ZNF84: variants seen among roughly 807,000 people sequenced by gnomAD.
ZNF84 encodes zinc finger protein HPF2.
ZNF84 carries 12 observed loss-of-function variants against 14.8 expected under a neutral mutation model. The ratio of observed to expected loss-of-function variants is 0.81; its 90% CI spans 0.52 to 1.31. The LOEUF is 1.31. Among genes scored for constraint, ZNF84 ranks in the 50% most tolerant of loss-of-function variants. The pLI is 0.00. For synonymous variants in ZNF84, 347 were observed against 291.1 expected, an observed-to-expected ratio of 1.19 and a Z score of -1.96; for missense variants, 859 against 878.6, an observed-to-expected ratio of 0.98 and a Z score of 0.28.
At chr12:133,038,350 A>T (rs1953825418) in intron 1 of ZNF84, among the ~76,000 whole-genome samples, 1 of 152,090 alleles carries the variant, frequency 6.6e-6, no homozygotes, top group African/African-American at 2.4e-5. Context: ...TATAATGATT[A>T]TAATTTGTAT....
In ZNF84 at chr12:133,047,949, T is replaced by C. The variant is rs1220371195; in HGVS notation, c.16-6T>C. ...CTTCAGATTTACCAGGATTGTGCTC[T>C]TACAGGAGTCATTCTCATTTGACGA... On this transcript the variant is annotated splice_region_variant and splice_polypyrimidine_tract_variant and intron_variant, in intron 2 of 4. Transcript: ENST00000539354. The C allele has an allele frequency of 9.9e-6, 16 of 1,613,770 alleles. No homozygotes were observed. The highest frequency in any genetic ancestry group is 3.3e-5 in the Admixed American group (2 of 60,010).
intron 3 of ZNF84, 36 bp downstream of exon 3, chr12:133,048,117 C>T: frequency 6.3e-7 from 1 of 1,577,696 alleles, no homozygotes; most frequent in Non-Finnish European, 8.6e-7. Flanking sequence ...TGGACTATGC[C>T]CAATGCATTG....
chr12:133,059,284 G>A lies in ZNF84; in HGVS notation c.*352G>A, dbSNP rs201971004. 177 of 361,714 alleles carry A rather than the reference G, an allele frequency of 4.9e-4. 3 individuals are homozygous for A. In the East Asian group the frequency reaches 7.1e-3, roughly 15 times the overall value. 22.4% of individuals were successfully genotyped at this position (361,714 alleles called of 1,614,324 possible). On this transcript the variant is annotated 3_prime_UTR_variant, in exon 5 of 5. Transcript: ENST00000539354. ...AAACCCCATGAATGCGGGAAATGAG[G>A]CAATATTTTTAAGAAATGACAGTTC...
chr12:133,044,888 TGGGCAACA>T (rs1953952044), intron 2 of ZNF84, among the ~76,000 whole-genome samples: 5 of 151,648 alleles, frequency 3.3e-5, no homozygotes, highest in Admixed American at 6.6e-5. Context: ...CACTCCAGCC[TGGGCAACA>T]GAGCAAGACT....
chr12:133,040,085 A>G (rs1402620018), intron 1 of ZNF84, among the ~76,000 whole-genome samples: 1 of 151,828 alleles, frequency 6.6e-6, no homozygotes, highest in Non-Finnish European at 1.5e-5. Flanking sequence ...CAGGTGATCC[A>G]TCTGCCTTGG....
Position 133,058,522 on chromosome 12 carries a change from CTT to C in ZNF84, c.1809_1810del (p.Cys604Ter). 6.2e-7 allele frequency: 1 copy of C among 1,613,940 alleles called. No individual in the cohort carries two copies. The highest frequency in any genetic ancestry group is 2.2e-5 in the East Asian group (1 of 44,868). On this transcript the variant is annotated frameshift_variant, in exon 5 of 5. Transcript: ENST00000539354. LOFTEE classifies it low-confidence loss of function (END_TRUNC). The stretch of plus-strand genomic sequence containing the variant: ...TGGAGAGAAACCCTATGAATGCAGT[CTT>C]TGTAGGAAAGCTTTTTTTGAGAAGT... ...HTGEKPYECSLCRKAFFEKSE... is the reference protein window; with the variant it reads ...HTGEKPYECSXCRKAFFEKSE...
In ZNF84 at chr12:133,061,459, T is replaced by G. The variant is rs1291509003; in HGVS notation, c.*2527T>G. 6.6e-6 allele frequency: 1 copy of G among 152,164 alleles called. No individual in the cohort carries two copies. Among genetic ancestry groups the G allele is most frequent in the African/African-American group, 2.4e-5 (1 of 41,434 alleles). 9.4% of individuals were successfully genotyped at this position (152,164 alleles called of 1,614,324 possible). The stretch of plus-strand genomic sequence containing the variant: ...CAGCCTGGGCGACAGAGCGAGCCTC[T>G]GTCAAAAAAAGAAAAGAAAAAGAAC... On this transcript the variant is annotated 3_prime_UTR_variant, in exon 5 of 5. Coordinates refer to ENST00000539354, the MANE Select transcript of ZNF84 (RefSeq NM_001289971.2).
At position 133,059,077 on chromosome 12, in the gene ZNF84, G is replaced by T; in HGVS notation, c.*145G>T. On this transcript the variant is annotated 3_prime_UTR_variant, in exon 5 of 5. Transcript: ENST00000539354. The stretch of plus-strand genomic sequence containing the variant: ...TAAATGAGGTGGTGTATGGAAAGCC[G>T]ATCATAATTCATAGAGTAGAGTGAA... 2.5e-6 allele frequency: 2 copies of T among 812,044 alleles called. No homozygotes were observed. Among genetic ancestry groups the T allele is most frequent in the South Asian group, 3.7e-5 (2 of 53,936 alleles). 50.3% of individuals were successfully genotyped at this position (812,044 alleles called of 1,614,324 possible). A position where few individuals can be genotyped will look rare whatever the true frequency, so the allele number is the denominator to read the frequency against.
chr12:133,048,882 G>A, intron 4 of ZNF84, 34 bp downstream of exon 4: 2 of 1,560,340 alleles, frequency 1.3e-6, no homozygotes, highest in Non-Finnish European at 1.8e-6. Context: ...ATGGGAGAGA[G>A]CAGAAGCCCC....
chr12:133,049,961 A>G (rs1954045115), intron 4 of ZNF84, among the ~76,000 whole-genome samples: 1 of 152,158 alleles, frequency 6.6e-6, no homozygotes, highest in Admixed American at 6.5e-5. Context: ...TGTCTTAATG[A>G]TACCACCATA....
At chr12:133,047,357 C>T (rs1954000246) in intron 2 of ZNF84, among the ~76,000 whole-genome samples, 1 of 152,106 alleles carries the variant, frequency 6.6e-6, no homozygotes, top group African/African-American at 2.4e-5. Flanking sequence ...AAGCCACAGC[C>T]TCGTACAAAG....
intron 4 of ZNF84, 41 bp from the exon 5 acceptor site, chr12:133,056,913 A>T: frequency 6.7e-7 from 1 of 1,502,882 alleles, no homozygotes; most frequent in East Asian, 2.3e-5. Context: ...TTTTGTTTTT[A>T]GAAAGCACAA....
At chr12:133,044,597 C>T (rs1199361815) in intron 2 of ZNF84, among the ~76,000 whole-genome samples, 2 of 151,910 alleles carry the variant, frequency 1.3e-5, no homozygotes, top group Admixed American at 6.6e-5. Context: ...CTTCTTGTTA[C>T]TTTGGGTTCA....
In ZNF84 at chr12:133,061,713, A is replaced by G. The variant is rs1362418698; in HGVS notation, c.*2781A>G. ...AACCTGATACTTCCTACACTAGATA[A>G]TGGAACTTCAACATTAGCCTATTGA... On this transcript the variant is annotated 3_prime_UTR_variant, in exon 5 of 5. Transcript: ENST00000539354. 1 of 152,200 alleles carries G rather than the reference A, an allele frequency of 6.6e-6. No individual in the cohort carries two copies. The highest frequency in any genetic ancestry group is 6.5e-5 in the Admixed American group (1 of 15,288). The allele number at this position is 152,200 out of a possible 1,614,324, so 9.4% of individuals were successfully genotyped here.
chr12:133,046,754 C>G (rs981066269), intron 2 of ZNF84, among the ~76,000 whole-genome samples: 1 of 150,430 alleles, frequency 6.6e-6, no homozygotes. Context: ...CTCGACCTCC[C>G]AGGGTCAAAC....
At chr12:133,054,078 A>G (rs1954112448) in intron 4 of ZNF84, among the ~76,000 whole-genome samples, 1 of 152,198 alleles carries the variant, frequency 6.6e-6, no homozygotes, top group African/African-American at 2.4e-5. Context: ...AAATGGGCCC[A>G]GCATGTTGGC....
rs1166775512 is a variant in ZNF84 at position 133,061,121 on chromosome 12, T to C, written c.*2189T>C. 1 of 152,232 alleles carries C rather than the reference T, an allele frequency of 6.6e-6. No individual in the cohort carries two copies. The highest frequency in any genetic ancestry group is 1.9e-4 in the East Asian group (1 of 5,196). The allele number at this position is 152,232 out of a possible 1,614,324, so 9.4% of individuals were successfully genotyped here. On this transcript the variant is annotated 3_prime_UTR_variant, in exon 5 of 5. Transcript: ENST00000539354. ...ACAGCCAAATAATTCTGTCTTTCCA[T>C]GCTGTAATTTTAAAGCATTTAATTT...
At chr12:133,051,081 C>T (rs753167311) in intron 4 of ZNF84, among the ~76,000 whole-genome samples, 247 of 150,492 alleles carry the variant, frequency 1.6e-3, no homozygotes, top group Non-Finnish European at 2.3e-3. Flanking sequence ...GCCACCATGC[C>T]TGTGTTTTGT....
chr12:133,057,271 A>G lies in ZNF84; in HGVS notation c.556A>G (p.Lys186Glu). The G allele has an allele frequency of 6.2e-7, 1 of 1,613,794 alleles. No individual in the cohort carries two copies. The highest frequency in any genetic ancestry group is 1.3e-5 in the African/African-American group (1 of 75,036). The change falls in exon 5 of 5, where the codon AAA becomes GAA. Residue 186 changes from lysine to glutamate, a missense_variant. Physicochemically the swap from Lys to Glu is moderately conservative, Grantham distance 56. Transcript: ENST00000539354. ...AAAATACTATGACTGTGATAAATATAAAGAGAGCTATAAAAAGTCACAGAT... is the reference window on the plus strand; with the variant it reads ...AAAATACTATGACTGTGATAAATATGAAGAGAGCTATAAAAAGTCACAGAT... ...WLKYYDCDKYKESYKKSQIII... is the reference protein window; with the variant it reads ...WLKYYDCDKYEESYKKSQIII...
Sources: allele counts gnomAD v4.1 joint callset (sites outside exome capture counted in the v4.1 genomes callset), GRCh38; gene constraint gnomAD v4.1.1; transcripts MANE v1.5; gene names NCBI Gene and HGNC (gene_info 2026-07-23, HGNC 2026-07-21).